The following CDH10 variants were observed in gnomAD, a reference collection of about 807,000 sequenced individuals.
CDH10 encodes the protein cadherin 10, also known as cadherin-10.
CDH10 carries 30 observed loss-of-function variants against 73.1 expected under a neutral mutation model. That is an observed-to-expected ratio of 0.41 (90% confidence interval 0.31 to 0.56). The LOEUF (loss-of-function observed/expected upper bound fraction) is 0.56, where lower values mean the gene tolerates loss of function less well. Among genes scored for constraint, CDH10 ranks in the 20% least tolerant of loss-of-function variants. The probability of loss-of-function intolerance (pLI) is 0.27; values close to 1 mark genes in which losing one functional copy is unlikely to be tolerated. For missense variants in CDH10, 815 were observed against 973.7 expected, an observed-to-expected ratio of 0.84 and a Z score of 2.17; for synonymous variants, 345 against 348.2, an observed-to-expected ratio of 0.99 and a Z score of 0.10.
intron 1 of CDH10, among the ~76,000 whole-genome samples, chr5:24,604,079 T>C (rs562692834): frequency 1.3e-5 from 2 of 152,330 alleles, no homozygotes; most frequent in South Asian, 4.1e-4. Context: ...GTCTGGCATG[T>C]GGCTCACTCC....
Position 24,564,663 on chromosome 5 carries a change from G to C in CDH10, c.232-26989C>G, listed in dbSNP as rs185478579. On this transcript the variant is annotated intron_variant, in intron 2 of 11. Transcript: ENST00000264463. ...TGAATTCACATCAGTATTTCTAATT[G>C]CTACCCAATAGCACAAAAGTGATTC... 6.8e-4 allele frequency among the ~76,000 whole-genome samples: 103 copies of C among 152,146 alleles called. 1 individual carries two copies. The highest frequency in any genetic ancestry group is 3.4e-3 in the Middle Eastern group (1 of 292).
chr5:24,620,485 C>T (rs1747277197), intron 1 of CDH10, among the ~76,000 whole-genome samples: 1 of 152,044 alleles, frequency 6.6e-6, no homozygotes, highest in Non-Finnish European at 1.5e-5. Flanking sequence ...TGATTGCATC[C>T]TTTTTCTCTT....
rs1018158441 is a variant in CDH10 at position 24,568,894 on chromosome 5, G to A, written c.231+24366C>T. On this transcript the variant is annotated intron_variant, in intron 2 of 11. Transcript: ENST00000264463. ...TGGGAGGCTAAGGTGGGTGGATCAC[G>A]AGGTCAGGAGTTCAAAACTAGCCTG... 2.0e-5 allele frequency among the ~76,000 whole-genome samples: 3 copies of A among 151,906 alleles called. 1 individual carries two copies. Among genetic ancestry groups the A allele is most frequent in the Admixed American group, 2.0e-4 (3 of 15,248 alleles).
In CDH10 at chr5:24,511,543, GAC is replaced by G. The variant is rs759422228; in HGVS notation, c.815-31_815-30del. Reference sequence around the variant, plus strand: ...TAAAGTATAAAGAAAAGAAGAGAGAGACAGAGAGAGAGAGAGAGAGAGAGAGA... The same window carrying G: ...TAAAGTATAAAGAAAAGAAGAGAGAGAGAGAGAGAGAGAGAGAGAGAGAGA... On this transcript the variant is annotated intron_variant, in intron 5 of 11. Coordinates refer to ENST00000264463, the MANE Select transcript of CDH10 (RefSeq NM_006727.5). 9 of 663,608 alleles carry G rather than the reference GAC, an allele frequency of 1.4e-5. No individual in the cohort carries two copies. In the East Asian group the frequency reaches 1.4e-4, roughly 10 times the overall value. The allele number at this position is 663,608 out of a possible 1,614,324, so 41.1% of individuals were successfully genotyped here.
At chr5:24,582,372 C>A (rs1225894597) in intron 2 of CDH10, among the ~76,000 whole-genome samples, 4 of 152,022 alleles carry the variant, frequency 2.6e-5, no homozygotes, top group Admixed American at 1.3e-4. Flanking sequence ...CAAAAATAGC[C>A]AAAATTCTAG....
At chr5:24,561,302 C>A (rs1336780993) in intron 2 of CDH10, among the ~76,000 whole-genome samples, 1 of 151,944 alleles carries the variant, frequency 6.6e-6, no homozygotes, top group Non-Finnish European at 1.5e-5. Flanking sequence ...CTAGTCATTG[C>A]AAATATATGT....
intron 5 of CDH10, among the ~76,000 whole-genome samples, chr5:24,528,702 A>G (rs1156683868): frequency 6.6e-6 from 1 of 152,004 alleles, no homozygotes; most frequent in Non-Finnish European, 1.5e-5. Flanking sequence ...CATTTTAAGA[A>G]TTCAGTGTGT....
chr5:24,492,270 A>G (rs966133623), intron 10 of CDH10, among the ~76,000 whole-genome samples: 2 of 152,252 alleles, frequency 1.3e-5, no homozygotes, highest in Non-Finnish European at 2.9e-5. Context: ...AAAATGGATT[A>G]GGTAAATTTC....
chr5:24,611,360 T>A (rs1746943531), intron 1 of CDH10, among the ~76,000 whole-genome samples: 1 of 152,024 alleles, frequency 6.6e-6, no homozygotes, highest in Non-Finnish European at 1.5e-5. Context: ...GGTGAGAGGA[T>A]CGCTTGACAC....
At position 24,562,438 on chromosome 5, in the gene CDH10, G is replaced by A. The variant is rs138935971; in HGVS notation, c.232-24764C>T. On this transcript the variant is annotated intron_variant, in intron 2 of 11. Transcript: ENST00000264463. ...ACTCAACTACTCTGTTTTTAGTTTT[G>A]ATCAAACTGGAAACCAAAGAAATTA... Among the ~76,000 whole-genome samples, 1,007 of 151,568 alleles carry A rather than the reference G, an allele frequency of 6.6e-3. 14 individuals are homozygous for A. The highest frequency in any genetic ancestry group is 0.013 in the Admixed American group (200 of 15,232).
At chr5:24,584,535 A>G (rs1011197687) in intron 2 of CDH10, among the ~76,000 whole-genome samples, 8 of 137,532 alleles carry the variant, frequency 5.8e-5, no homozygotes, top group Non-Finnish European at 4.5e-5. Context: ...CAGTGGCACA[A>G]TCTCGGCTCA....
chr5:24,580,242 G>C (rs1306981644), intron 2 of CDH10, among the ~76,000 whole-genome samples: 1 of 151,902 alleles, frequency 6.6e-6, no homozygotes, highest in African/African-American at 2.4e-5. Context: ...TTATTATATA[G>C]ACTATATATA....
intron 1 of CDH10, among the ~76,000 whole-genome samples, chr5:24,628,680 A>G (rs1747592871): frequency 6.6e-6 from 1 of 152,060 alleles, no homozygotes; most frequent in Admixed American, 6.6e-5. Flanking sequence ...TTATGTCTGA[A>G]CCCTTTAAGC....
chr5:24,496,394 G>A (rs1343809047), intron 9 of CDH10, among the ~76,000 whole-genome samples: 1 of 152,106 alleles, frequency 6.6e-6, no homozygotes, highest in Non-Finnish European at 1.5e-5. Flanking sequence ...CTTTTGCTGA[G>A]GTCCTCTGAC....
chr5:24,492,785 A>C (rs1247133745), intron 10 of CDH10, 32 bp downstream of exon 10: 1 of 857,402 alleles, frequency 1.2e-6, no homozygotes, highest in African/African-American at 1.7e-5. Context: ...TAATATCATC[A>C]TAAGTCATAG....
At chr5:24,556,501 T>C (rs1407630629) in intron 2 of CDH10, among the ~76,000 whole-genome samples, 8 of 151,866 alleles carry the variant, frequency 5.3e-5, no homozygotes, top group Admixed American at 3.3e-4. Context: ...TCCAAAAATA[T>C]TTTAAACATT....
intron 2 of CDH10, among the ~76,000 whole-genome samples, 182 bp from the exon 3 acceptor site, chr5:24,537,856 C>T (rs997998877): frequency 2.6e-5 from 4 of 151,956 alleles, no homozygotes; most frequent in South Asian, 4.2e-4. Context: ...ATATGAATAG[C>T]CTTTTATATA....
intron 2 of CDH10, among the ~76,000 whole-genome samples, chr5:24,550,242 T>C (rs967407060): frequency 6.6e-6 from 1 of 152,212 alleles, no homozygotes; most frequent in Non-Finnish European, 1.5e-5. Context: ...CATTGAATTG[T>C]ACAGTTTTGA....
At chr5:24,584,475 TGAGA>T (rs1554023331) in intron 2 of CDH10, among the ~76,000 whole-genome samples, 64 of 79,734 alleles carry the variant, frequency 8.0e-4, no homozygotes, top group East Asian at 3.9e-3. Context: ...TGTGTGTGTG[TGAGA>T]GAGAGAGAGA....
Sources: gnomAD v4.1 joint callset for allele counts (sites outside exome capture counted in the v4.1 genomes callset) on GRCh38, gnomAD v4.1.1 for gene constraint, MANE v1.5 for transcripts, NCBI Gene and HGNC (gene_info 2026-07-23, HGNC 2026-07-21) for gene names.